SSU72: variants seen among roughly 807,000 people sequenced by gnomAD.
SSU72 encodes the protein SSU72 homolog, RNA polymerase II CTD phosphatase, also known as RNA polymerase II subunit A C-terminal domain phosphatase SSU72.
In SSU72, 12 loss-of-function variants were observed where a neutral mutation model predicts 22.7. The ratio of observed to expected loss-of-function variants is 0.53; its 90% CI spans 0.34 to 0.86. The LOEUF is 0.86. Ranked by LOEUF, SSU72 falls within the 40% of genes least tolerant of loss-of-function variation. The pLI is 0.02. For missense variants in SSU72, 151 were observed against 249.8 expected (o/e 0.60, Z 2.67); for synonymous variants, 116 against 98.3 (o/e 1.18, Z -1.06).
intron 1 of SSU72, among the ~76,000 whole-genome samples, chr1:1,569,692 T>C (rs1036219159): frequency 3.9e-5 from 6 of 152,262 alleles, no homozygotes; most frequent in African/African-American, 9.6e-5. Context: ...TTTGTAATGA[T>C]AGCGGGTCTC....
At chr1:1,558,209 A>G (rs528878362) in intron 2 of SSU72, among the ~76,000 whole-genome samples, 5 of 151,392 alleles carry the variant, frequency 3.3e-5, no homozygotes, top group Non-Finnish European at 7.4e-5. Context: ...TCAATTAAAA[A>G]AAAAAAAAAA....
At chr1:1,562,662 T>C (rs1238517270) in intron 2 of SSU72, 1 of 152,340 alleles carries the variant, frequency 6.6e-6, no homozygotes, top group African/African-American at 2.4e-5. Context: ...GGCTCCGGGA[T>C]GGAGACAGCA....
At chr1:1,564,667 G>GTGT in intron 2 of SSU72, 106 bp downstream of exon 2, 1 of 1,614,060 alleles carries the variant, frequency 6.2e-7, no homozygotes, top group Non-Finnish European at 8.5e-7. Context: ...AGAGGAGCCA[G>GTGT]TGTGTGCACT....
chr1:1,559,667 C>T (rs943433428), intron 2 of SSU72, among the ~76,000 whole-genome samples: 6 of 152,184 alleles, frequency 3.9e-5, no homozygotes, highest in Non-Finnish European at 7.3e-5. Context: ...TCAAGTGACC[C>T]TCCCGCCTCA....
rs1253612101 is a variant in SSU72, at chr1:1,542,466, A to AC, written c.484-300dup. Among the ~76,000 whole-genome samples, 4 of 152,052 alleles carry AC rather than the reference A, an allele frequency of 2.6e-5. No homozygotes were observed. The highest frequency in any genetic ancestry group is 4.8e-5 in the African/African-American group (2 of 41,396). On this transcript the variant is annotated intron_variant, in intron 4 of 4. Transcript: ENST00000291386. This position sits in a 1 kb window ranked among gnomAD's most constrained non-coding sequence, Gnocchi z 4.4. ...CGGAGACCTGGCGGCCAGGGCTCAG[A>AC]CCCACACATGCACAGCGGGGCCGAC...
intron 2 of SSU72, among the ~76,000 whole-genome samples, chr1:1,552,368 C>T (rs1038658194): frequency 6.6e-6 from 1 of 152,256 alleles, no homozygotes; most frequent in African/African-American, 2.4e-5. Context: ...TCCTTAGGGA[C>T]CGGGAGGTGC....
At chr1:1,559,042 C>G (rs1048029398) in intron 2 of SSU72, among the ~76,000 whole-genome samples, 4 of 152,260 alleles carry the variant, frequency 2.6e-5, no homozygotes, top group African/African-American at 4.8e-5. Flanking sequence ...AGCCTCTGCA[C>G]GTGACCCTGG....
chr1:1,569,854 C>G (rs1167771997), intron 1 of SSU72, among the ~76,000 whole-genome samples: 1 of 152,166 alleles, frequency 6.6e-6, no homozygotes, highest in African/African-American at 2.4e-5. Flanking sequence ...ACTGTGCCTG[C>G]TCAGTTAACT....
rs1007095578 is a variant in SSU72 at position 1,542,529 on chromosome 1, C to T, written c.484-362G>A. ...CCAGCGCTTCCACACCACCAACAAG[C>T]GAGCGGGGGCAGCCTGGTCATCGGA... On this transcript the variant is annotated intron_variant, in intron 4 of 4. Coordinates refer to ENST00000291386, the MANE Select transcript of SSU72 (RefSeq NM_014188.3). The surrounding 1 kb of genome is among the most constrained non-coding windows in gnomAD (Gnocchi z 4.4). Among the ~76,000 whole-genome samples, 4 of 152,132 alleles carry T rather than the reference C, an allele frequency of 2.6e-5. No individual in the cohort carries two copies. The highest frequency in any genetic ancestry group is 1.3e-4 in the Admixed American group (2 of 15,276).
chr1:1,554,574 C>A lies in SSU72; in HGVS notation c.225-9572G>T, dbSNP rs1642496925. On this transcript the variant is annotated intron_variant, in intron 2 of 4. Coordinates refer to ENST00000291386, the MANE Select transcript of SSU72 (RefSeq NM_014188.3). This position sits in a 1 kb window ranked among gnomAD's most constrained non-coding sequence, Gnocchi z 4.1. ...AGGGGCCTTAGTGGGACCAGAACATCCCGGGGAGTTAGAATGAGCGCAGCT... is the reference window on the plus strand; with the variant it reads ...AGGGGCCTTAGTGGGACCAGAACATACCGGGGAGTTAGAATGAGCGCAGCT... Among the ~76,000 whole-genome samples the A allele has an allele frequency of 6.6e-6, 1 of 152,152 alleles. No individual in the cohort carries two copies. The highest frequency in any genetic ancestry group is 2.1e-4 in the South Asian group (1 of 4,832).
At chr1:1,543,253 G>A (rs985222136) in intron 4 of SSU72, among the ~76,000 whole-genome samples, 23 of 152,204 alleles carry the variant, frequency 1.5e-4, no homozygotes, top group African/African-American at 5.3e-4. Context: ...GGTGGACGGC[G>A]GACACAGAGC....
At chr1:1,546,860 C>CAA (rs1169308811) in intron 2 of SSU72, among the ~76,000 whole-genome samples, 34 of 75,158 alleles carry the variant, frequency 4.5e-4, no homozygotes, top group South Asian at 2.3e-3. Context: ...ACAACAACAA[C>CAA]AAAAAAAAAA....
In SSU72 at chr1:1,565,545, G is replaced by A. The variant is rs4970458; in HGVS notation, c.81-629C>T. On this transcript the variant is annotated intron_variant, in intron 1 of 4. Coordinates refer to ENST00000291386, the MANE Select transcript of SSU72 (RefSeq NM_014188.3). ...GGCTTTGGAGGATCCAAGTTCACAG[G>A]ATTCCTAAGGGACTCACAAAGGTCC... Among the ~76,000 whole-genome samples, 1,263 of 152,336 alleles carry A rather than the reference G, an allele frequency of 8.3e-3. 11 individuals are homozygous for A. Among genetic ancestry groups the A allele is most frequent in the Non-Finnish European group, 0.014 (924 of 68,024 alleles).
chr1:1,545,210 G>C, intron 2 of SSU72: 1 of 583,828 alleles, frequency 1.7e-6, no homozygotes, highest in Non-Finnish European at 3.0e-6. Context: ...GGCGATGGCA[G>C]GTGCTTGCTC....
At chr1:1,548,635 G>A (rs1217256944) in intron 2 of SSU72, among the ~76,000 whole-genome samples, 1 of 152,158 alleles carries the variant, frequency 6.6e-6, no homozygotes, top group Non-Finnish European at 1.5e-5. Flanking sequence ...CACGGGGTGG[G>A]GTGCTGGGGG....
At chr1:1,543,634 C>T (rs1258384812) in intron 4 of SSU72, among the ~76,000 whole-genome samples, 1 of 151,958 alleles carries the variant, frequency 6.6e-6, no homozygotes, top group Non-Finnish European at 1.5e-5. Context: ...CCCACTGTCA[C>T]GGCCTCGGCC....
intron 1 of SSU72, among the ~76,000 whole-genome samples, chr1:1,566,156 T>C (rs1287189345): frequency 2.0e-5 from 3 of 151,828 alleles, no homozygotes; most frequent in African/African-American, 7.3e-5. Flanking sequence ...TCCCAGCTAC[T>C]TGGGAGGCTG....
At chr1:1,569,737 A>C (rs1642706025) in intron 1 of SSU72, among the ~76,000 whole-genome samples, 1 of 152,200 alleles carries the variant, frequency 6.6e-6, no homozygotes, top group Non-Finnish European at 1.5e-5. Flanking sequence ...CCTGGGCTCA[A>C]GCAATCCTCC....
intron 2 of SSU72, among the ~76,000 whole-genome samples, chr1:1,555,294 G>A (rs1214468656): frequency 6.6e-6 from 1 of 152,256 alleles, no homozygotes; most frequent in Non-Finnish European, 1.5e-5. Flanking sequence ...CCTGGTGCAT[G>A]GCGGGGATGA....
Sources: gnomAD v4.1 joint callset for allele counts (sites outside exome capture counted in the v4.1 genomes callset) on GRCh38, gnomAD v4.1.1 for gene constraint, Gnocchi (gnomAD v3.1) non-coding constraint, MANE v1.5 for transcripts, NCBI Gene and HGNC (gene_info 2026-07-23, HGNC 2026-07-21) for gene names.